The following CEP131 variants were observed in gnomAD, a reference collection of about 807,000 sequenced individuals.
CEP131 encodes the protein centrosomal protein of 131 kDa.
In CEP131, 99 loss-of-function variants were observed where a neutral mutation model predicts 136.8. That is an observed-to-expected ratio of 0.72 (90% CI 0.62 to 0.86). The LOEUF (loss-of-function observed/expected upper bound fraction) is 0.86, where lower values mean the gene tolerates loss of function less well. CEP131 is among the 40% of genes least tolerant of loss of function. The pLI is 0.00. For missense variants in CEP131, 1,459 were observed against 1,463.0 expected (o/e 1.00, Z 0.04); for synonymous variants, 646 against 612.7 (o/e 1.05, Z -0.80).
chr17:81,205,496 AGGTAGGAGGGGCAGGGGT>A (rs1567869196), intron 5 of CEP131, among the ~76,000 whole-genome samples: 1 of 3,302 alleles, frequency 3.0e-4, no homozygotes, highest in Admixed American at 5.6e-3. Context: ...GCGGGAGGGG[AGGTAGGAGGGGCAGGGGT>A]GGGGAGGGTA....
chr17:81,208,902 G>A lies in CEP131; in HGVS notation c.272+26C>T. On this transcript the variant is annotated intron_variant, in intron 3 of 25. Transcript: ENST00000450824. The surrounding 1 kb of genome is among the most constrained non-coding windows in gnomAD (Gnocchi z 5.6). ...ACCTGAGGTCCCGGGAAGGGGCCAG[G>A]GTTATCCAAGGGCCTTAGGGGTTAC... 2 of 1,592,092 alleles carry A rather than the reference G, an allele frequency of 1.3e-6. No individual in the cohort carries two copies. Among genetic ancestry groups the A allele is most frequent in the Non-Finnish European group, 1.7e-6 (2 of 1,161,740 alleles).
intron 19 of CEP131, 52 bp downstream of exon 19, chr17:81,192,684 G>GGGGGGGGGGGCC: frequency 2.1e-6 from 1 of 476,798 alleles, no homozygotes; most frequent in Non-Finnish European, 4.1e-6. Flanking sequence ...GGGGGGGAGG[G>GGGGGGGGGGGCC]GTCAGCCAGC....
At chr17:81,210,300 G>C (rs1430918407) in intron 2 of CEP131, among the ~76,000 whole-genome samples, 2 of 152,142 alleles carry the variant, frequency 1.3e-5, no homozygotes, top group African/African-American at 4.8e-5. Context: ...CGCCGGGCGC[G>C]GTGGTTCACG....
At chr17:81,195,569 C>T (rs988273044) in intron 16 of CEP131, among the ~76,000 whole-genome samples, 2 of 152,166 alleles carry the variant, frequency 1.3e-5, no homozygotes, top group Non-Finnish European at 2.9e-5. Flanking sequence ...CCACGGCTAC[C>T]GTGCTGTGGC....
intron 15 of CEP131, among the ~76,000 whole-genome samples, 155 bp from the exon 16 acceptor site, chr17:81,196,106 G>T (rs574245527): frequency 6.6e-6 from 1 of 152,164 alleles, no homozygotes; most frequent in African/African-American, 2.4e-5. Flanking sequence ...GGGGCCAGTG[G>T]GGGGGCACGT....
intron 6 of CEP131, 113 bp from the exon 7 acceptor site, chr17:81,202,511 G>C: frequency 1.6e-6 from 2 of 1,284,758 alleles, no homozygotes; most frequent in East Asian, 2.5e-5. Flanking sequence ...AAGTGGTGCT[G>C]GCAGGCTGGC....
In CEP131 at chr17:81,199,849, C is replaced by T. The variant is rs369693187; in HGVS notation, c.907-14G>A. 382 of 1,609,284 alleles carry T rather than the reference C, an allele frequency of 2.4e-4. 1 individual carries two copies. The African/African-American group carries it at 2.5e-3, about 11-fold the overall frequency. On this transcript the variant is annotated splice_polypyrimidine_tract_variant and intron_variant, in intron 8 of 25. Transcript: ENST00000450824. Reference sequence around the variant, plus strand: ...CTGCCGCTGCTCCTGCCAAAGAAGCCGGTGCCATGTGGCGTTTACATCTGG... The same window carrying T: ...CTGCCGCTGCTCCTGCCAAAGAAGCTGGTGCCATGTGGCGTTTACATCTGG...
rs1204143058 is a variant in CEP131 at position 81,189,916 on chromosome 17, T to G, written c.3167A>C (p.Glu1056Ala). ...EAVSSLRTQHEAAVKRADHLE... is the reference protein window; with the variant it reads ...EAVSSLRTQHAAAVKRADHLE... ...GCAGGGCTGGCCACAGGGACTCACC[T>G]CATGTTGTGTCCGGAGGCTGCTCAC... The change falls in exon 25 of 26, where the codon GAG becomes GCG. Residue 1056 changes from glutamate to alanine, a missense_variant and splice_region_variant. This residue lies in a region of CEP131 where 1,026 missense variants were observed against 964.2 expected (regional missense o/e 1.06). Transcript: ENST00000450824. 6.2e-7 allele frequency: 1 copy of G among 1,612,788 alleles called. No homozygotes were observed. Among genetic ancestry groups the G allele is most frequent in the Non-Finnish European group, 8.5e-7 (1 of 1,179,640 alleles).
At chr17:81,205,792 C>T (rs1345389289) in intron 5 of CEP131, among the ~76,000 whole-genome samples, 1 of 151,870 alleles carries the variant, frequency 6.6e-6, no homozygotes, top group Non-Finnish European at 1.5e-5. Flanking sequence ...CCAGCTGCTC[C>T]GAAGGCTGAA....
At chr17:81,214,213 C>A (rs565974701) in intron 2 of CEP131, among the ~76,000 whole-genome samples, 1 of 152,330 alleles carries the variant, frequency 6.6e-6, no homozygotes, top group Admixed American at 6.5e-5. Context: ...CCTGCACTTT[C>A]CAATTTTTCT....
chr17:81,200,329 C>G lies in CEP131; in HGVS notation c.906G>C (p.Glu302Asp), dbSNP rs557446331. The change falls in exon 8 of 26, where the codon GAG becomes GAC. Residue 302 changes from glutamate (E) to aspartate (D), a missense_variant and splice_region_variant. Transcript: ENST00000450824. ...RLEHLLQAKR[E>D]EQRQRSGEGT... ...GAGTGACTGAGACGCCCACACTGACCTCCCGCTTGGCCTGAAGCAAGTGCT... is the reference window on the plus strand; with the variant it reads ...GAGTGACTGAGACGCCCACACTGACGTCCCGCTTGGCCTGAAGCAAGTGCT... 1 of 1,601,374 alleles carries G rather than the reference C, an allele frequency of 6.2e-7. No homozygotes were observed. The highest frequency in any genetic ancestry group is 8.5e-7 in the Non-Finnish European group (1 of 1,174,508).
rs1403834020 is a variant in CEP131, at chr17:81,208,187, C to A, written c.272+741G>T. On this transcript the variant is annotated intron_variant, in intron 3 of 25. Transcript: ENST00000450824. This position sits in a 1 kb window ranked among gnomAD's most constrained non-coding sequence, Gnocchi z 5.6. The stretch of plus-strand genomic sequence containing the variant: ...CCTTGCTTGGTGGGACTCCACGAAG[C>A]TAGTTGCTGAGCTAAGAGCGGCTCC... Among the ~76,000 whole-genome samples, 2 of 152,116 alleles carry A rather than the reference C, an allele frequency of 1.3e-5. No homozygotes were observed. Among genetic ancestry groups the A allele is most frequent in the Admixed American group, 1.3e-4 (2 of 15,272 alleles).
Position 81,198,748 on chromosome 17 carries a change from C to G in CEP131, c.1287+129G>C, listed in dbSNP as rs1003843266. On this transcript the variant is annotated intron_variant, in intron 11 of 25. Coordinates refer to ENST00000450824, the MANE Select transcript of CEP131 (RefSeq NM_014984.4). ...AGCAAGAAGACACCTCCTGGGTGGC[C>G]TCTCTGAGCTTAAGTGGCCCCTAGA... 80 of 921,834 alleles carry G rather than the reference C, an allele frequency of 8.7e-5. No homozygotes were observed. In the Middle Eastern group the frequency reaches 1.9e-3, roughly 21 times the overall value. The allele number at this position is 921,834 out of a possible 1,614,324, so 57.1% of individuals were successfully genotyped here.
At position 81,202,477 on chromosome 17, in the gene CEP131, CG is replaced by C. The variant is rs558458914; in HGVS notation, c.630-80del. On this transcript the variant is annotated intron_variant, in intron 6 of 25. Transcript: ENST00000450824. ...CCCACAGGCAGCAGGTGCCCACTCC[CG>C]GAAGTCCCAGGACTGAGCCTGGAAG... is the stretch of plus-strand genomic sequence containing the variant. The C allele has an allele frequency of 2.0e-4, 312 of 1,522,864 alleles. 1 individual carries two copies. In the East Asian group the frequency reaches 6.3e-3, roughly 31 times the overall value. The allele number at this position is 1,522,864 out of a possible 1,614,324, so 94.3% of individuals were successfully genotyped here.
chr17:81,191,020 G>T lies in CEP131; in HGVS notation c.2830C>A (p.Leu944Ile). 6.2e-7 allele frequency: 1 copy of T among 1,610,424 alleles called. No homozygotes were observed. The highest frequency in any genetic ancestry group is 8.5e-7 in the Non-Finnish European group (1 of 1,179,882). ...TTCAGCTCCGAGCACCGCTCCTGAA[G>T]CTTCCGCTCCGACTGCTCCAGCTCG... ...LSELEQSERK[L>I]QERCSELKGQ... The change falls in exon 23 of 26, where the codon CTT becomes ATT. Residue 944 changes from leucine to isoleucine, a missense_variant. Coordinates refer to ENST00000450824, the MANE Select transcript of CEP131 (RefSeq NM_014984.4).
At chr17:81,216,620 G>C (rs2062252088) in intron 2 of CEP131, among the ~76,000 whole-genome samples, 1 of 152,266 alleles carries the variant, frequency 6.6e-6, no homozygotes, top group Non-Finnish European at 1.5e-5. Context: ...ACTGATGCCT[G>C]TGTGCCCAGA....
intron 21 of CEP131, 85 bp from the exon 22 acceptor site, chr17:81,191,420 C>A (rs1346724090): frequency 3.0e-6 from 4 of 1,348,802 alleles, no homozygotes; most frequent in Non-Finnish European, 4.2e-6. Context: ...CTGGGGGGCT[C>A]CAGGCTCTGA....
At chr17:81,190,042 C>T in intron 24 of CEP131, 67 bp from the exon 25 acceptor site, 14 of 1,430,186 alleles carry the variant, frequency 9.8e-6, no homozygotes, top group Non-Finnish European at 1.3e-5. Context: ...GCCTGCAGTG[C>T]ACAGGGTGCA....
chr17:81,189,769 T>C lies in CEP131; in HGVS notation c.3243A>G (p.Ter1081TrpextTer?). Residue 1081 changes from the stop codon to tryptophan, a stop_lost, in exon 26 of 26, where the codon TGA becomes TGG. Transcript: ENST00000450824. ...TCGACAGTGTTCCCGGCATCCCTGG[T>C]CACTTGGTACTTGGCGTGGGCCTCC... ...QHRRPTPSTK* is the reference protein window; with the variant it reads ...QHRRPTPSTKW The C allele has an allele frequency of 6.3e-7, 1 of 1,599,590 alleles. No individual in the cohort carries two copies. The highest frequency in any genetic ancestry group is 1.3e-5 in the African/African-American group (1 of 74,800).
Sources: allele counts gnomAD v4.1 joint callset (sites outside exome capture counted in the v4.1 genomes callset), GRCh38; gene constraint gnomAD v4.1.1; regional missense constraint gnomAD v4.1.1; non-coding constraint Gnocchi (gnomAD v3.1); transcripts MANE v1.5; gene names NCBI Gene and HGNC (gene_info 2026-07-23, HGNC 2026-07-21).